NCKAP5: variants seen among roughly 807,000 people sequenced by gnomAD.
The protein encoded by NCKAP5 is nck-associated protein 5.
Under a neutral mutation model 167.0 loss-of-function variants are expected in NCKAP5, and 92 were observed. The ratio of observed to expected loss-of-function variants is 0.55; its 90% CI spans 0.47 to 0.66. The LOEUF is 0.66. Ranked by LOEUF, NCKAP5 falls within the 30% of genes least tolerant of loss-of-function variation. The pLI is 0.00. For missense variants in NCKAP5, 2,378 were observed against 2,315.0 expected (o/e 1.03, Z -0.56); for synonymous variants, 891 against 877.4 (o/e 1.02, Z -0.27).
At chr2:133,638,552 T>G in the NCKAP5 span, among the ~76,000 whole-genome samples, 1 of 152,104 alleles carries the variant, frequency 6.6e-6, no homozygotes, top group Non-Finnish European at 1.5e-5. Context: ...CTTCTCTCAA[T>G]CAAAAGACTC....
intron 6 of NCKAP5, among the ~76,000 whole-genome samples, chr2:133,083,650 T>C (rs1446705609): frequency 2.0e-5 from 3 of 152,180 alleles, no homozygotes; most frequent in Non-Finnish European, 2.9e-5. Flanking sequence ...GACCAAGGCA[T>C]AGACTGAATT....
chr2:132,778,536 C>G (rs962000974), intron 15 of NCKAP5, among the ~76,000 whole-genome samples: 2 of 152,048 alleles, frequency 1.3e-5, no homozygotes, highest in African/African-American at 4.8e-5. Flanking sequence ...TTGTAAAGAA[C>G]AAAAGATGGT....
intron 6 of NCKAP5, among the ~76,000 whole-genome samples, chr2:133,071,795 A>G (rs1420379868): frequency 1.3e-5 from 2 of 152,234 alleles, no homozygotes; most frequent in Non-Finnish European, 2.9e-5. Context: ...AGAGGAAGGC[A>G]GAGAATTAAC....
intron 4 of NCKAP5, among the ~76,000 whole-genome samples, chr2:133,252,650 A>G (rs935317190): frequency 6.6e-6 from 1 of 152,188 alleles, no homozygotes; most frequent in East Asian, 1.9e-4. Flanking sequence ...AGATTTTTCT[A>G]TGCCCCTGGG....
chr2:132,672,039 T>C lies in NCKAP5; in HGVS notation c.*1250A>G, dbSNP rs1683813018. 6.6e-6 allele frequency: 1 copy of C among 152,642 alleles called. No individual in the cohort carries two copies. The highest frequency in any genetic ancestry group is 2.4e-5 in the African/African-American group (1 of 41,454). 9.5% of individuals were successfully genotyped at this position (152,642 alleles called of 1,614,324 possible). Reference sequence around the variant, plus strand: ...ACAAGCTCCTGTACATAAGTAATTATAAATAGTTCACATCTAGAAAAAATA... The same window carrying C: ...ACAAGCTCCTGTACATAAGTAATTACAAATAGTTCACATCTAGAAAAAATA... On this transcript the variant is annotated 3_prime_UTR_variant, in exon 20 of 20. Transcript: ENST00000409261.
chr2:133,480,156 T>C (rs2151310621), intron 3 of NCKAP5, among the ~76,000 whole-genome samples: 1 of 152,250 alleles, frequency 6.6e-6, no homozygotes, highest in Middle Eastern at 3.4e-3. Context: ...GGTGTTGAAC[T>C]CCTGACCTCT....
rs1018108487 is a variant in NCKAP5 at position 133,266,993 on chromosome 2, C to T, written c.143+36044G>A. Among the ~76,000 whole-genome samples the T allele has an allele frequency of 6.6e-5, 10 of 151,180 alleles. No homozygotes were observed. In the East Asian group the frequency reaches 1.8e-3, roughly 27 times the overall value. ...CCCCCCATCAGAAGCTGCTTAGGAT[C>T]GGCGCTGTCAAATCCAGCCCATCTG... On this transcript the variant is annotated intron_variant, in intron 4 of 19. Coordinates refer to ENST00000409261, the MANE Select transcript of NCKAP5 (RefSeq NM_207363.3).
intron 3 of NCKAP5, among the ~76,000 whole-genome samples, chr2:133,359,292 G>A (rs1402566669): frequency 6.6e-6 from 1 of 152,092 alleles, no homozygotes; most frequent in East Asian, 1.9e-4. Flanking sequence ...TCTTACAACT[G>A]CCCCACTTCA....
chr2:133,038,214 A>G (rs1459185387), intron 6 of NCKAP5, among the ~76,000 whole-genome samples: 2 of 152,174 alleles, frequency 1.3e-5, no homozygotes, highest in Admixed American at 6.5e-5. Flanking sequence ...TTTGGAAGGA[A>G]CTGAAGTGTT....
intron 3 of NCKAP5, among the ~76,000 whole-genome samples, chr2:133,427,021 A>G (rs1274727060): frequency 6.6e-6 from 1 of 152,330 alleles, no homozygotes; most frequent in South Asian, 2.1e-4. Context: ...GCAGCATTTG[A>G]GCTGAGAGTT....
At chr2:132,735,679 TA>T (rs1158507970) in intron 16 of NCKAP5, among the ~76,000 whole-genome samples, 2 of 152,232 alleles carry the variant, frequency 1.3e-5, no homozygotes, top group African/African-American at 4.8e-5. Flanking sequence ...CTATGTATTA[TA>T]AGGCACATAG....
intron 2 of NCKAP5, among the ~76,000 whole-genome samples, chr2:133,553,138 G>A (rs1558780214): frequency 6.6e-6 from 1 of 152,296 alleles, no homozygotes; most frequent in African/African-American, 2.4e-5. Flanking sequence ...TAAACGGGCA[G>A]GATATAAGTG....
intron 9 of NCKAP5, among the ~76,000 whole-genome samples, chr2:132,871,339 G>A (rs1199183335): frequency 6.6e-6 from 1 of 151,604 alleles, no homozygotes; most frequent in African/African-American, 2.4e-5. Flanking sequence ...AAACAAAACA[G>A]AAGAATCGAA....
intron 6 of NCKAP5, among the ~76,000 whole-genome samples, chr2:133,047,933 A>G (rs1210882225): frequency 6.6e-6 from 1 of 152,252 alleles, no homozygotes; most frequent in Non-Finnish European, 1.5e-5. Flanking sequence ...GAACTTTGGC[A>G]TGCATGCACA....
chr2:132,825,691 C>T (rs528759169), intron 11 of NCKAP5, among the ~76,000 whole-genome samples: 14 of 152,324 alleles, frequency 9.2e-5, no homozygotes, highest in South Asian at 2.1e-4. Context: ...CTGTTGCTCA[C>T]GCTCCATTTT....
chr2:132,823,533 T>C (rs1020744824), intron 11 of NCKAP5, among the ~76,000 whole-genome samples: 33 of 152,008 alleles, frequency 2.2e-4, no homozygotes, highest in African/African-American at 8.0e-4. Context: ...GTCAGCACTA[T>C]ATAAAATGCT....
intron 19 of NCKAP5, among the ~76,000 whole-genome samples, chr2:132,696,932 G>A (rs957363540): frequency 6.6e-6 from 1 of 152,146 alleles, no homozygotes; most frequent in Non-Finnish European, 1.5e-5. Context: ...CTGTCACCCA[G>A]GCTGGAGTAC....
At chr2:133,331,341 T>C (rs1374305299) in intron 3 of NCKAP5, among the ~76,000 whole-genome samples, 1 of 152,216 alleles carries the variant, frequency 6.6e-6, no homozygotes, top group Non-Finnish European at 1.5e-5. Flanking sequence ...CAACATGATC[T>C]GATGACTTAC....
intron 3 of NCKAP5, among the ~76,000 whole-genome samples, chr2:133,485,076 C>T (rs1212459642): frequency 6.6e-6 from 1 of 152,144 alleles, no homozygotes; most frequent in Non-Finnish European, 1.5e-5. Context: ...TTTACTTGGC[C>T]ATCAAGGCCC....
Sources: allele counts gnomAD v4.1 joint callset (sites outside exome capture counted in the v4.1 genomes callset), GRCh38; gene constraint gnomAD v4.1.1; transcripts MANE v1.5; gene names NCBI Gene and HGNC (gene_info 2026-07-23, HGNC 2026-07-21).